MYO16: variants seen among roughly 807,000 people sequenced by gnomAD.
MYO16 encodes unconventional myosin-XVI.
A neutral mutation model predicts 205.3 loss-of-function variants in MYO16; 94 were observed. That is an observed-to-expected ratio of 0.46 (90% CI 0.39 to 0.54). MYO16 has a LOEUF of 0.54. Among genes scored for constraint, MYO16 ranks in the 20% least tolerant of loss-of-function variants. The probability of loss-of-function intolerance (pLI) is 0.00; values close to 1 mark genes in which losing one functional copy is unlikely to be tolerated. For synonymous variants in MYO16, 988 were observed against 954.0 expected, an observed-to-expected ratio of 1.04 and a Z score of -0.66; for missense variants, 2,315 against 2,387.5, an observed-to-expected ratio of 0.97 and a Z score of 0.63.
At chr13:109,202,583 A>G (rs771851598) in intron 34 of MYO16, among the ~76,000 whole-genome samples, 13 of 152,198 alleles carry the variant, frequency 8.5e-5, no homozygotes, top group Non-Finnish European at 1.6e-4. Flanking sequence ...AACACATCCC[A>G]TGCTCTTTGA....
At position 109,125,601 on chromosome 13, in the gene MYO16, C is replaced by A. The variant is rs1335570300; in HGVS notation, c.3782+243C>A. ...ATGTGATGATGACTGCCTCTCCTGC[C>A]ATGCTTGTGTCACTTAACTACCTCA... On this transcript the variant is annotated intron_variant, in intron 30 of 34. Transcript: ENST00000457511. This position sits in a 1 kb window ranked among gnomAD's most constrained non-coding sequence, Gnocchi z 4.0. Among the ~76,000 whole-genome samples, 1 of 152,204 alleles carries A rather than the reference C, an allele frequency of 6.6e-6. No individual in the cohort carries two copies. Among genetic ancestry groups the A allele is most frequent in the African/African-American group, 2.4e-5 (1 of 41,460 alleles).
chr13:109,135,539 A>T (rs966623569), intron 31 of MYO16, among the ~76,000 whole-genome samples: 1 of 152,110 alleles, frequency 6.6e-6, no homozygotes, highest in African/African-American at 2.4e-5. Context: ...TCCAAGCTGG[A>T]GTGCAGTGGC....
chr13:108,779,144 G>A (rs192298399), intron 4 of MYO16, among the ~76,000 whole-genome samples: 1 of 152,226 alleles, frequency 6.6e-6, no homozygotes, highest in Admixed American at 6.5e-5. Flanking sequence ...CCAAGCGGGG[G>A]TTTCCTAAGA....
intron 1 of MYO16, among the ~76,000 whole-genome samples, chr13:108,640,498 T>C (rs77971798): frequency 0.068 from 10,325 of 152,198 alleles, 550 homozygotes; most frequent in African/African-American, 0.14. Context: ...GTTGTGCCAC[T>C]CCAAAATGCT....
intron 1 of MYO16, among the ~76,000 whole-genome samples, chr13:108,634,501 C>A (rs773683751): frequency 1.3e-5 from 2 of 152,144 alleles, no homozygotes; most frequent in African/African-American, 2.4e-5. Flanking sequence ...TTCTCTCTTC[C>A]CTCGGGCCAC....
At chr13:108,712,540 G>A in intron 2 of MYO16, 121 bp from the exon 3 acceptor site, 1 of 819,344 alleles carries the variant, frequency 1.2e-6, no homozygotes, top group South Asian at 1.4e-5. Context: ...TGGCACAGAA[G>A]CCGTAGTCTT....
the MYO16 span, among the ~76,000 whole-genome samples, chr13:108,534,178 T>A: frequency 6.6e-6 from 1 of 152,168 alleles, no homozygotes; most frequent in East Asian, 1.9e-4. Flanking sequence ...TTTTATTGCA[T>A]CAGCTATATT....
chr13:109,017,744 G>A (rs191181936), intron 22 of MYO16, among the ~76,000 whole-genome samples: 1 of 151,906 alleles, frequency 6.6e-6, no homozygotes, highest in Non-Finnish European at 1.5e-5. Context: ...CTTTCTTCCA[G>A]TTGATTGAAT....
chr13:109,169,990 C>G (rs1878860486), intron 33 of MYO16, among the ~76,000 whole-genome samples: 1 of 152,058 alleles, frequency 6.6e-6, no homozygotes, highest in African/African-American at 2.4e-5. Flanking sequence ...ACAACAATTC[C>G]TGATAGATTA....
At chr13:109,021,292 A>C (rs2139516764) in intron 23 of MYO16, among the ~76,000 whole-genome samples, 1 of 152,314 alleles carries the variant, frequency 6.6e-6, no homozygotes, top group Admixed American at 6.5e-5. Context: ...TTACAGCCTT[A>C]TCTTAGATCA....
chr13:109,077,386 C>A, intron 27 of MYO16, among the ~76,000 whole-genome samples: 1 of 152,122 alleles, frequency 6.6e-6, no homozygotes. Flanking sequence ...AGAGATTTCT[C>A]CTAGACCTTC....
chr13:108,531,528 C>A, the MYO16 span, among the ~76,000 whole-genome samples: 2 of 152,066 alleles, frequency 1.3e-5, no homozygotes, highest in African/African-American at 4.8e-5. Context: ...AGGAGGATGA[C>A]CCTGTTTCTG....
At chr13:108,810,774 A>G (rs1367290091) in intron 7 of MYO16, among the ~76,000 whole-genome samples, 2 of 152,210 alleles carry the variant, frequency 1.3e-5, no homozygotes, top group East Asian at 3.9e-4. Flanking sequence ...AGACATTCAC[A>G]GTAATTTCAC....
chr13:109,203,540 G>A (rs1880484108), intron 34 of MYO16, among the ~76,000 whole-genome samples: 1 of 151,882 alleles, frequency 6.6e-6, no homozygotes, highest in East Asian at 1.9e-4. Flanking sequence ...GGCTGTGCTG[G>A]AGAACCAGTC....
At chr13:108,497,290 G>T in the MYO16 span, among the ~76,000 whole-genome samples, 1 of 152,180 alleles carries the variant, frequency 6.6e-6, no homozygotes, top group South Asian at 2.1e-4. Flanking sequence ...TAGAAGCCTC[G>T]AAGGTAATTT....
intron 4 of MYO16, among the ~76,000 whole-genome samples, chr13:108,752,982 T>A (rs977122812): frequency 6.6e-6 from 1 of 151,906 alleles, no homozygotes; most frequent in African/African-American, 2.4e-5. Flanking sequence ...ATCAGAAATG[T>A]ATTAAATATG....
At chr13:109,163,728 A>AC (rs1878504085) in intron 32 of MYO16, among the ~76,000 whole-genome samples, 1 of 152,164 alleles carries the variant, frequency 6.6e-6, no homozygotes, top group Non-Finnish European at 1.5e-5. Context: ...ATCAGAACAT[A>AC]CAGGTTAAAG....
chr13:109,001,923 T>TCG (rs1885226360), intron 21 of MYO16, among the ~76,000 whole-genome samples: 1 of 151,490 alleles, frequency 6.6e-6, no homozygotes, highest in African/African-American at 2.4e-5. Context: ...ATTCCTTCTC[T>TCG]CTCTCTCTGT....
At chr13:108,800,646 T>C (rs1886943569) in intron 6 of MYO16, among the ~76,000 whole-genome samples, 1 of 152,208 alleles carries the variant, frequency 6.6e-6, no homozygotes, top group Non-Finnish European at 1.5e-5. Flanking sequence ...GACCTGAAAT[T>C]ATTGGTCAAC....
Sources: gnomAD v4.1 joint callset for allele counts (sites outside exome capture counted in the v4.1 genomes callset) on GRCh38, gnomAD v4.1.1 for gene constraint, Gnocchi (gnomAD v3.1) non-coding constraint, MANE v1.5 for transcripts, NCBI Gene and HGNC (gene_info 2026-07-23, HGNC 2026-07-21) for gene names.